Variants in EXD3 observed in about 807,000 individuals in gnomAD.
The protein encoded by EXD3 is exonuclease mut-7 homolog.
EXD3 carries 92 observed loss-of-function variants against 98.0 expected under a neutral mutation model. The observed-to-expected ratio is 0.94, with a 90% confidence interval of 0.79 to 1.12. The LOEUF (loss-of-function observed/expected upper bound fraction) is 1.12, where lower values mean the gene tolerates loss of function less well. Among genes scored for constraint, EXD3 ranks in the 50% most tolerant of loss-of-function variants. The pLI is 0.00. For synonymous variants in EXD3, 569 were observed against 526.0 expected (o/e 1.08, Z -1.12); for missense variants, 1,222 against 1,191.6 (o/e 1.03, Z -0.38).
chr9:137,354,570 G>A, intron 9 of EXD3, 130 bp downstream of exon 9: 1 of 1,542,234 alleles, frequency 6.5e-7, no homozygotes, highest in South Asian at 1.2e-5. Context: ...AGCTCACCCA[G>A]CTCTGGGGCA....
intron 3 of EXD3, among the ~76,000 whole-genome samples, chr9:137,376,228 C>T (rs1835891424): frequency 6.6e-6 from 1 of 151,048 alleles, no homozygotes; most frequent in Admixed American, 6.6e-5. Flanking sequence ...ACTGTAGTCC[C>T]AGCTACTCGG....
intron 7 of EXD3, chr9:137,365,702 A>G: frequency 3.4e-6 from 1 of 292,910 alleles, no homozygotes; most frequent in Non-Finnish European, 6.7e-6. Context: ...ACACACGTAC[A>G]CACCCATGCA....
intron 1 of EXD3, among the ~76,000 whole-genome samples, chr9:137,404,262 G>T (rs1443094653): frequency 6.6e-6 from 1 of 152,194 alleles, no homozygotes; most frequent in African/African-American, 2.4e-5. Flanking sequence ...GCCCACAGCA[G>T]ATCGCGGGTC....
rs118120175 is a variant in EXD3, at chr9:137,347,600, C to G, written c.1998+471G>C. On this transcript the variant is annotated intron_variant, in intron 17 of 21. Transcript: ENST00000340951. The surrounding 1 kb of genome is among the most constrained non-coding windows in gnomAD (Gnocchi z 4.2). ...TTGGGATTACAGGCGCCCGCCACTA[C>G]GCCTGGCTAATTTTTCTATTTTTGG... Among the ~76,000 whole-genome samples the G allele has an allele frequency of 3.9e-5, 6 of 152,036 alleles. No individual in the cohort carries two copies. The highest frequency in any genetic ancestry group is 3.9e-4 in the Admixed American group (6 of 15,256).
At position 137,390,565 on chromosome 9, in the gene EXD3, G is replaced by A. The variant is rs879614098; in HGVS notation, c.55+4738C>T. Among the ~76,000 whole-genome samples, 14 of 152,298 alleles carry A rather than the reference G, an allele frequency of 9.2e-5. No individual in the cohort carries two copies. The South Asian group carries it at 1.2e-3, about 14-fold the overall frequency. On this transcript the variant is annotated intron_variant, in intron 2 of 21. Transcript: ENST00000340951. Reference sequence around the variant, plus strand: ...CACAGAAATGAGGCCCGGTATTGGCGTTAGAATCATCATTCAGATGAGAAA... The same window carrying A: ...CACAGAAATGAGGCCCGGTATTGGCATTAGAATCATCATTCAGATGAGAAA...
At position 137,351,043 on chromosome 9, in the gene EXD3, T is replaced by G. The variant is rs373455476; in HGVS notation, c.1489A>C (p.Arg497=). ...LGGMDLLLVH[R]QMRVASVPAP... ...GCGGCTCAGTGGGTGCCCACCTGTC[T>G]GTGCACCAGCAGCAGGTCCATGCCG... The change falls in exon 14 of 22, where the codon AGA becomes CGA. Residue 497 remains arginine (R), a synonymous_variant. Transcript: ENST00000340951. The G allele has an allele frequency of 5.9e-5, 92 of 1,560,558 alleles. No homozygotes were observed. The African/African-American group carries it at 1.2e-3, about 20-fold the overall frequency.
intron 2 of EXD3, among the ~76,000 whole-genome samples, chr9:137,386,746 C>T (rs965745458): frequency 1.1e-4 from 16 of 151,646 alleles, no homozygotes; most frequent in Admixed American, 2.0e-4. Context: ...GCAGCCTGCC[C>T]GGAAGCCCCC....
At chr9:137,367,915 T>A in intron 6 of EXD3, 21 bp downstream of exon 6, 1 of 1,610,930 alleles carries the variant, frequency 6.2e-7, no homozygotes, top group Non-Finnish European at 8.5e-7. Context: ...CCTAAACAAT[T>A]TACATGAGAA....
chr9:137,420,136 G>A (rs1588450764), intron 1 of EXD3, among the ~76,000 whole-genome samples: 1 of 152,062 alleles, frequency 6.6e-6, no homozygotes, highest in East Asian at 1.9e-4. Context: ...CTCCAGCCTG[G>A]GCGACAGAGG....
Position 137,334,190 on chromosome 9 carries a change from C to T in EXD3, c.1999-10047G>A, listed in dbSNP as rs140779552. On this transcript the variant is annotated intron_variant, in intron 17 of 21. Transcript: ENST00000340951. ...CTAATTTTTTGTATTTTAGTGGAGA[C>T]GGGGTTTCACCATGTTGGCCGGGCT... 6.4e-3 allele frequency among the ~76,000 whole-genome samples: 978 copies of T among 152,228 alleles called. 4 individuals are homozygous for T. The highest frequency in any genetic ancestry group is 0.022 in the African/African-American group (913 of 41,542).
At chr9:137,378,394 T>C (rs527566718) in intron 3 of EXD3, among the ~76,000 whole-genome samples, 12 of 151,982 alleles carry the variant, frequency 7.9e-5, no homozygotes, top group African/African-American at 2.7e-4. Context: ...TTTTTTGGTT[T>C]AGATGGGGTT....
intron 3 of EXD3, among the ~76,000 whole-genome samples, chr9:137,379,088 C>T (rs569375185): frequency 0.014 from 1,264 of 89,688 alleles, 69 homozygotes; most frequent in African/African-American, 0.055. Context: ...TTGTGGGTGA[C>T]GGTGACCATT....
At position 137,373,075 on chromosome 9, in the gene EXD3, G is replaced by A. The variant is rs1474350273; in HGVS notation, c.295-3C>T. The A allele has an allele frequency of 3.0e-5, 47 of 1,560,850 alleles. No homozygotes were observed. The highest frequency in any genetic ancestry group is 3.8e-5 in the Non-Finnish European group (44 of 1,157,538). Reference sequence around the variant, plus strand: ...AGCTGCTTCAGCCTCAGGCTGTGCTGGAAGAGCAGGGACCCAGACTTACTG... The same window carrying A: ...AGCTGCTTCAGCCTCAGGCTGTGCTAGAAGAGCAGGGACCCAGACTTACTG... On this transcript the variant is annotated splice_polypyrimidine_tract_variant and splice_region_variant and intron_variant, in intron 4 of 21. Transcript: ENST00000340951.
intron 7 of EXD3, among the ~76,000 whole-genome samples, chr9:137,358,930 C>T (rs1834924391): frequency 6.6e-6 from 1 of 151,332 alleles, no homozygotes; most frequent in South Asian, 2.1e-4. Context: ...AAGCGATCCT[C>T]CCACTGCACC....
chr9:137,355,620 AGGGAGGATGGAGGAAG>A lies in EXD3; in HGVS notation c.757+632_757+647del, dbSNP rs1564508874. Reference sequence around the variant, plus strand: ...CGGAAGGAGAAAGGAGGAAGGAGGAAGGGAGGATGGAGGAAGGAGGAAGGAGGAAGGAGGAAGGAGG... The same window carrying A: ...CGGAAGGAGAAAGGAGGAAGGAGGAAGAGGAAGGAGGAAGGAGGAAGGAGG... On this transcript the variant is annotated intron_variant, in intron 8 of 21. Coordinates refer to ENST00000340951, the MANE Select transcript of EXD3 (RefSeq NM_017820.5). Among the ~76,000 whole-genome samples, 19 of 7,126 alleles carry A rather than the reference AGGGAGGATGGAGGAAG, an allele frequency of 2.7e-3. 1 individual carries two copies. Among genetic ancestry groups the A allele is most frequent in the African/African-American group, 0.01 (17 of 1,686 alleles). 4.7% of individuals were successfully genotyped at this position (7,126 alleles called of 152,430 possible).
Position 137,349,214 on chromosome 9 carries a change from AC to A in EXD3, c.1725del (p.Ser576ArgfsTer101). The A allele has an allele frequency of 6.3e-7, 1 of 1,582,066 alleles. No individual in the cohort carries two copies. Among genetic ancestry groups the A allele is most frequent in the African/African-American group, 1.3e-5 (1 of 74,568 alleles). ...ALCREPARFH[L>X]SEDLAGSRRP... ...CTCCGGCTCCCAGCCAGGTCCTCCG[AC>A]AGGTGGAAGCGGGCGGGCTCTCTGC... On this transcript the variant is annotated frameshift_variant, in exon 16 of 22. Coordinates refer to ENST00000340951, the MANE Select transcript of EXD3 (RefSeq NM_017820.5). LOFTEE classifies it high-confidence loss of function. This position sits in a 1 kb window ranked among gnomAD's most constrained non-coding sequence, Gnocchi z 7.4.
rs376557281 is a variant in EXD3 at position 137,394,993 on chromosome 9, C to T, written c.55+310G>A. 2.8e-4 allele frequency among the ~76,000 whole-genome samples: 42 copies of T among 152,228 alleles called. No homozygotes were observed. The East Asian group carries it at 7.4e-3, about 27-fold the overall frequency. On this transcript the variant is annotated intron_variant, in intron 2 of 21. Transcript: ENST00000340951. Reference sequence around the variant, plus strand: ...GAGGGGACCAGAGCTCCCACCTCTGCGGCCAGCCCTGAGCAGCTGCACTGT... The same window carrying T: ...GAGGGGACCAGAGCTCCCACCTCTGTGGCCAGCCCTGAGCAGCTGCACTGT...
At chr9:137,355,636 G>GGAGGAAGGAGAA (rs1834693836) in intron 8 of EXD3, among the ~76,000 whole-genome samples, 1 of 79,524 alleles carries the variant, frequency 1.3e-5, no homozygotes, top group Non-Finnish European at 2.4e-5. Context: ...GATGGAGGAA[G>GGAGGAAGGAGAA]GAGGAAGGAG....
At chr9:137,332,608 C>T (rs1833133107) in intron 17 of EXD3, among the ~76,000 whole-genome samples, 2 of 151,886 alleles carry the variant, frequency 1.3e-5, no homozygotes, top group Admixed American at 6.6e-5. Flanking sequence ...CTTTGGGAGG[C>T]CAAGGCGGGC....
Sources: allele counts gnomAD v4.1 joint callset (sites outside exome capture counted in the v4.1 genomes callset), GRCh38; gene constraint gnomAD v4.1.1; non-coding constraint Gnocchi (gnomAD v3.1); transcripts MANE v1.5; gene names NCBI Gene and HGNC (gene_info 2026-07-23, HGNC 2026-07-21).